Variants in SV2B observed in about 807,000 individuals in gnomAD.
The protein encoded by SV2B is synaptic vesicle glycoprotein 2B, also known as solute carrier family 22 member B2.
Under a neutral mutation model 73.9 loss-of-function variants are expected in SV2B, and 41 were observed. That is an observed-to-expected ratio of 0.56 (90% CI 0.43 to 0.72). The LOEUF is 0.72. Among genes scored for constraint, SV2B ranks in the 30% least tolerant of loss-of-function variants. The pLI, the probability that SV2B is intolerant of heterozygous loss-of-function variation, is 0.00. For missense variants in SV2B, 764 were observed against 857.8 expected, an observed-to-expected ratio of 0.89 and a Z score of 1.37; for synonymous variants, 314 against 314.2, an observed-to-expected ratio of 1.00 and a Z score of 0.01.
At chr15:91,250,482 G>A (rs1016485519) in intron 2 of SV2B, among the ~76,000 whole-genome samples, 26 of 152,148 alleles carry the variant, frequency 1.7e-4, no homozygotes, top group African/African-American at 6.3e-4. Flanking sequence ...AGAGCAATTA[G>A]GCAAGAAAAA....
intron 9 of SV2B, among the ~76,000 whole-genome samples, chr15:91,270,468 C>G (rs2048255162): frequency 6.6e-6 from 1 of 152,194 alleles, no homozygotes; most frequent in Admixed American, 6.5e-5. Flanking sequence ...ATATCTATCT[C>G]CCAACCCATG....
intron 1 of SV2B, among the ~76,000 whole-genome samples, chr15:91,104,879 G>T (rs992858423): frequency 6.6e-6 from 1 of 152,138 alleles, no homozygotes. Context: ...TGATCTGCCC[G>T]CCTCGGCCTC....
Position 91,140,350 on chromosome 15 carries a change from A to T in SV2B, c.-392+39987A>T, listed in dbSNP as rs1567284399. Among the ~76,000 whole-genome samples, 4 of 152,274 alleles carry T rather than the reference A, an allele frequency of 2.6e-5. No individual in the cohort carries two copies. The highest frequency in any genetic ancestry group is 5.9e-5 in the Non-Finnish European group (4 of 68,054). ...TCAATTATCCATTAAGAAGGATTTT[A>T]AAATAATAAAAATGCCTTTCAGCAT... On this transcript the variant is annotated intron_variant, in intron 1 of 12. Coordinates refer to ENST00000394232, the MANE Select transcript of SV2B (RefSeq NM_001323032.3). This position sits in a 1 kb window ranked among gnomAD's most constrained non-coding sequence, Gnocchi z 4.4.
intron 9 of SV2B, among the ~76,000 whole-genome samples, chr15:91,274,713 C>G (rs79366199): frequency 6.6e-6 from 1 of 152,006 alleles, no homozygotes; most frequent in Non-Finnish European, 1.5e-5. Context: ...GTCAAAATAC[C>G]GTTAAATATT....
intron 1 of SV2B, among the ~76,000 whole-genome samples, chr15:91,158,695 T>TTCCCTTCCCTTCC (rs2043589824): frequency 1.5e-5 from 1 of 67,404 alleles, no homozygotes; most frequent in African/African-American, 5.2e-5. Flanking sequence ...TCTTCTCTTC[T>TTCCCTTCCCTTCC]CTTCTCTCCT....
Position 91,106,037 on chromosome 15 carries a change from G to T in SV2B, c.-392+5674G>T, listed in dbSNP as rs1323254316. 6.6e-6 allele frequency among the ~76,000 whole-genome samples: 1 copy of T among 152,102 alleles called. No individual in the cohort carries two copies. Among genetic ancestry groups the T allele is most frequent in the East Asian group, 1.9e-4 (1 of 5,202 alleles). ...TGTACTCCAGCCTGGACAATGGATT[G>T]AGATCATGTCAAAAATAAATAAAAA... On this transcript the variant is annotated intron_variant, in intron 1 of 12. Transcript: ENST00000394232. The surrounding 1 kb of genome is among the most constrained non-coding windows in gnomAD (Gnocchi z 4.4).
intron 1 of SV2B, among the ~76,000 whole-genome samples, chr15:91,179,377 G>A (rs1222513189): frequency 6.6e-6 from 1 of 152,174 alleles, no homozygotes; most frequent in African/African-American, 2.4e-5. Flanking sequence ...TTGTTGATTT[G>A]GGGTGGAGAG....
chr15:91,137,795 C>T lies in SV2B; in HGVS notation c.-392+37432C>T, dbSNP rs893430504. Among the ~76,000 whole-genome samples the T allele has an allele frequency of 6.6e-6, 1 of 151,714 alleles. No homozygotes were observed. The highest frequency in any genetic ancestry group is 1.5e-5 in the Non-Finnish European group (1 of 67,970). On this transcript the variant is annotated intron_variant, in intron 1 of 12. Transcript: ENST00000394232. This position sits in a 1 kb window ranked among gnomAD's most constrained non-coding sequence, Gnocchi z 4.9. ...GTTTATAATGGTGCTCAGAATAGAACACCTCACTGGTCACTTTTGGAAGAT... is the reference window on the plus strand; with the variant it reads ...GTTTATAATGGTGCTCAGAATAGAATACCTCACTGGTCACTTTTGGAAGAT...
chr15:91,237,110 C>T (rs2046814830), intron 2 of SV2B, among the ~76,000 whole-genome samples: 1 of 152,126 alleles, frequency 6.6e-6, no homozygotes, highest in Admixed American at 6.5e-5. Context: ...TAGACTCCAT[C>T]TTCTAATGGA....
At chr15:91,192,318 A>C (rs190264362) in intron 1 of SV2B, among the ~76,000 whole-genome samples, 1 of 152,320 alleles carries the variant, frequency 6.6e-6, no homozygotes, top group East Asian at 1.9e-4. Context: ...TTTGATTATA[A>C]ATTTGGCTGA....
At chr15:91,135,589 A>G (rs567380259) in intron 1 of SV2B, among the ~76,000 whole-genome samples, 19 of 152,238 alleles carry the variant, frequency 1.2e-4, no homozygotes, top group Non-Finnish European at 2.8e-4. Flanking sequence ...GTGGGGCTGA[A>G]TGTAAAACAG....
In SV2B at chr15:91,219,684, A is replaced by AATTC. The variant is rs563328706; in HGVS notation, c.-391-6186_-391-6183dup. On this transcript the variant is annotated intron_variant, in intron 1 of 12. Transcript: ENST00000394232. ...GTGTTCAATTTGATGATTTTTAGTA[A>AATTC]ATTCATAGAATTGTACAATCATCAC... 6.3e-3 allele frequency among the ~76,000 whole-genome samples: 964 copies of AATTC among 152,252 alleles called. 8 individuals carry two copies. Among genetic ancestry groups the AATTC allele is most frequent in the South Asian group, 0.023 (109 of 4,820 alleles).
rs1298694315 is a variant in SV2B at position 91,118,313 on chromosome 15, GC to G, written c.-392+17951del. 2.0e-5 allele frequency among the ~76,000 whole-genome samples: 3 copies of G among 152,214 alleles called. No homozygotes were observed. Among genetic ancestry groups the G allele is most frequent in the Non-Finnish European group, 4.4e-5 (3 of 68,042 alleles). On this transcript the variant is annotated intron_variant, in intron 1 of 12. Coordinates refer to ENST00000394232, the MANE Select transcript of SV2B (RefSeq NM_001323032.3). This position sits in a 1 kb window ranked among gnomAD's most constrained non-coding sequence, Gnocchi z 4.7. ...TTTGATGTGTGCCCTGGAGTTTGGG[GC>G]ATAGAAGACATAGAGCCTGGTGCCT...
At position 91,116,215 on chromosome 15, in the gene SV2B, G is replaced by C. The variant is rs571535039; in HGVS notation, c.-392+15852G>C. On this transcript the variant is annotated intron_variant, in intron 1 of 12. Coordinates refer to ENST00000394232, the MANE Select transcript of SV2B (RefSeq NM_001323032.3). ...AGTTGAAGAGTAAAAAATCCATCTC[G>C]GTGTCAAACTGCCTGCTACTCTGTT... Among the ~76,000 whole-genome samples, 4 of 152,270 alleles carry C rather than the reference G, an allele frequency of 2.6e-5. No individual in the cohort carries two copies. The East Asian group carries it at 7.7e-4, about 29-fold the overall frequency.
rs901200918 is a variant in SV2B, at chr15:91,298,217, G to T, written c.*5665G>T. ...GATCTCATTCGAAAACAAATTTACA[G>T]AATGCAGAATGGCTACTGTGTGTCT... On this transcript the variant is annotated 3_prime_UTR_variant, in exon 13 of 13. Coordinates refer to ENST00000394232, the MANE Select transcript of SV2B (RefSeq NM_001323032.3). The surrounding 1 kb of genome is among the most constrained non-coding windows in gnomAD (Gnocchi z 5.4). 2.6e-5 allele frequency: 4 copies of T among 152,188 alleles called. No homozygotes were observed. Among genetic ancestry groups the T allele is most frequent in the African/African-American group, 9.7e-5 (4 of 41,434 alleles). 9.4% of individuals were successfully genotyped at this position (152,188 alleles called of 1,614,324 possible).
intron 1 of SV2B, among the ~76,000 whole-genome samples, chr15:91,200,002 A>G (rs1466252846): frequency 1.3e-5 from 2 of 152,192 alleles, no homozygotes; most frequent in Non-Finnish European, 2.9e-5. Flanking sequence ...TTTCTTCTGA[A>G]CTATCTGTTA....
intron 1 of SV2B, among the ~76,000 whole-genome samples, chr15:91,119,504 A>G (rs2151741909): frequency 6.6e-6 from 1 of 152,348 alleles, no homozygotes; most frequent in East Asian, 1.9e-4. Context: ...GAAATTACCC[A>G]AATCTATTGC....
chr15:91,229,422 C>T lies in SV2B; in HGVS notation c.451+2708C>T, dbSNP rs1012314437. On this transcript the variant is annotated intron_variant, in intron 2 of 12. Coordinates refer to ENST00000394232, the MANE Select transcript of SV2B (RefSeq NM_001323032.3). The surrounding 1 kb of genome is among the most constrained non-coding windows in gnomAD (Gnocchi z 4.3). ...TGCCCTCTCAACAATGATTAGTTCTCGTTACTTTATATTCTGCCATTCTCC... is the reference window on the plus strand; with the variant it reads ...TGCCCTCTCAACAATGATTAGTTCTTGTTACTTTATATTCTGCCATTCTCC... Among the ~76,000 whole-genome samples, 6 of 152,096 alleles carry T rather than the reference C, an allele frequency of 3.9e-5. No homozygotes were observed. The highest frequency in any genetic ancestry group is 3.8e-4 in the East Asian group (2 of 5,198).
chr15:91,278,205 C>A (rs921088736), intron 9 of SV2B, among the ~76,000 whole-genome samples: 1 of 152,160 alleles, frequency 6.6e-6, no homozygotes, highest in Non-Finnish European at 1.5e-5. Flanking sequence ...GTTTATGGAA[C>A]CATGCTAGAG....
Sources: gnomAD v4.1 joint callset for allele counts (sites outside exome capture counted in the v4.1 genomes callset) on GRCh38, gnomAD v4.1.1 for gene constraint, Gnocchi (gnomAD v3.1) non-coding constraint, MANE v1.5 for transcripts, NCBI Gene and HGNC (gene_info 2026-07-23, HGNC 2026-07-21) for gene names.